The following MAPK10 variants were observed in gnomAD, a reference collection of about 807,000 sequenced individuals.
MAPK10 encodes the protein mitogen-activated protein kinase 10.
MAPK10 carries 25 observed loss-of-function variants against 59.3 expected under a neutral mutation model. The ratio of observed to expected loss-of-function variants is 0.42; its 90% CI spans 0.31 to 0.59. The LOEUF (loss-of-function observed/expected upper bound fraction) is 0.59. MAPK10 is among the 20% of genes least tolerant of loss of function. The pLI is 0.15. For synonymous variants in MAPK10, 190 were observed against 200.5 expected, an observed-to-expected ratio of 0.95 and a Z score of 0.44; for missense variants, 351 against 568.9, an observed-to-expected ratio of 0.62 and a Z score of 3.90.
chr4:86,560,584 C>T (rs1760602907), intron 1 of MAPK10, among the ~76,000 whole-genome samples: 1 of 152,208 alleles, frequency 6.6e-6, no homozygotes, highest in Non-Finnish European at 1.5e-5. Flanking sequence ...GTCAATTTCG[C>T]CACTGGGGCT....
chr4:86,437,967 G>C (rs1422125415), intron 1 of MAPK10, among the ~76,000 whole-genome samples: 1 of 152,050 alleles, frequency 6.6e-6, no homozygotes, highest in African/African-American at 2.4e-5. Flanking sequence ...TCATAAACAT[G>C]TTGTTCAAAA....
At chr4:86,319,362 TCAC>T (rs2095847434) in intron 2 of MAPK10, among the ~76,000 whole-genome samples, 1 of 152,120 alleles carries the variant, frequency 6.6e-6, no homozygotes, top group African/African-American at 2.4e-5. Flanking sequence ...AAAACATTCC[TCAC>T]CTAGCAAGGA....
intron 2 of MAPK10, among the ~76,000 whole-genome samples, chr4:86,195,296 A>T (rs1237304516): frequency 6.6e-6 from 1 of 152,236 alleles, no homozygotes; most frequent in East Asian, 1.9e-4. Flanking sequence ...TAAACCATTT[A>T]AAAACACCAT....
intron 1 of MAPK10, among the ~76,000 whole-genome samples, chr4:86,468,845 C>T (rs184420838): frequency 1.3e-5 from 2 of 150,594 alleles, no homozygotes; most frequent in Non-Finnish European, 3.0e-5. Flanking sequence ...CAGAGTGAGA[C>T]TCCATCTCAA....
chr4:86,025,570 T>C (rs1749755866), intron 13 of MAPK10: 1 of 398,152 alleles, frequency 2.5e-6, no homozygotes. Flanking sequence ...ATATCTCTTC[T>C]TTCTATATTA....
intron 3 of MAPK10, among the ~76,000 whole-genome samples, chr4:86,165,648 G>A (rs905532044): frequency 2.3e-5 from 3 of 127,814 alleles, no homozygotes; most frequent in African/African-American, 5.7e-5. Context: ...CAATTCTCCC[G>A]CCTCAGCCTT....
At chr4:86,482,928 A>G (rs925992309) in intron 1 of MAPK10, among the ~76,000 whole-genome samples, 2 of 152,154 alleles carry the variant, frequency 1.3e-5, no homozygotes, top group African/African-American at 2.4e-5. Flanking sequence ...TGTGTTAGGC[A>G]TACAACATTT....
At chr4:86,267,019 G>A (rs967261664) in intron 2 of MAPK10, among the ~76,000 whole-genome samples, 5 of 152,076 alleles carry the variant, frequency 3.3e-5, no homozygotes, top group Non-Finnish European at 5.9e-5. Flanking sequence ...CAGGAGCCAA[G>A]CTGTATGAAT....
At chr4:86,240,808 T>C (rs928444110) in intron 2 of MAPK10, among the ~76,000 whole-genome samples, 1 of 152,212 alleles carries the variant, frequency 6.6e-6, no homozygotes, top group East Asian at 1.9e-4. Flanking sequence ...CCAGTCTGTA[T>C]CTTTTAATTG....
intron 2 of MAPK10, among the ~76,000 whole-genome samples, chr4:86,305,563 A>G (rs1355292890): frequency 6.6e-6 from 1 of 152,224 alleles, no homozygotes; most frequent in Non-Finnish European, 1.5e-5. Flanking sequence ...TTATGCCTGT[A>G]ATCCCAGCAC....
At chr4:86,201,947 C>G (rs775709232) in intron 2 of MAPK10, among the ~76,000 whole-genome samples, 6 of 151,830 alleles carry the variant, frequency 4.0e-5, no homozygotes, top group Admixed American at 2.6e-4. Flanking sequence ...CCATTTTCCT[C>G]TCCAATCCTT....
At chr4:86,574,040 T>A (rs1761673020) in intron 1 of MAPK10, among the ~76,000 whole-genome samples, 1 of 152,184 alleles carries the variant, frequency 6.6e-6, no homozygotes, top group South Asian at 2.1e-4. Context: ...TATCTCCTAA[T>A]GCTATCCTTC....
chr4:86,415,487 T>C (rs1745753509), intron 1 of MAPK10, among the ~76,000 whole-genome samples: 1 of 152,222 alleles, frequency 6.6e-6, no homozygotes, highest in South Asian at 2.1e-4. Flanking sequence ...TCTGATGCTT[T>C]GTTCTCTTCA....
At position 86,569,010 on chromosome 4, in the gene MAPK10, C is replaced by T. The variant is rs919932850; in HGVS notation, c.-263+24900G>A. 2.0e-5 allele frequency among the ~76,000 whole-genome samples: 3 copies of T among 152,116 alleles called. No homozygotes were observed. In the East Asian group the frequency reaches 5.8e-4, roughly 29 times the overall value. On this transcript the variant is annotated intron_variant, in intron 1 of 4. Transcript: ENST00000502302. ...ACAAACAATCAACGCAGTAAACAGA[C>T]AACCTACAGAATCAGAGAAAATATT...
chr4:86,015,962 T>C lies in MAPK10; in HGVS notation c.*1266A>G, dbSNP rs1311199691. 6.6e-6 allele frequency: 1 copy of C among 152,164 alleles called. No homozygotes were observed. Among genetic ancestry groups the C allele is most frequent in the African/African-American group, 2.4e-5 (1 of 41,420 alleles). The allele number at this position is 152,164 out of a possible 1,614,324, so 9.4% of individuals were successfully genotyped here. ...TTCATTATTATTATTATTATTTTAT[T>C]TCAGAAGAGGAAAGTAATATTATTT... is the stretch of plus-strand genomic sequence containing the variant. On this transcript the variant is annotated 3_prime_UTR_variant, in exon 14 of 14. Coordinates refer to ENST00000641462, the MANE Select transcript of MAPK10 (RefSeq NM_138982.4).
intron 1 of MAPK10, among the ~76,000 whole-genome samples, chr4:86,491,322 G>A (rs2149075322): frequency 6.6e-6 from 1 of 152,334 alleles, no homozygotes; most frequent in South Asian, 2.1e-4. Context: ...TCCAACAAGT[G>A]CATCACATGG....
At chr4:86,344,739 T>C (rs138604727) in intron 2 of MAPK10, among the ~76,000 whole-genome samples, 177 of 152,288 alleles carry the variant, frequency 1.2e-3, no homozygotes, top group African/African-American at 4.1e-3. Flanking sequence ...AAAATGTCTG[T>C]TAACTTCATG....
chr4:86,219,249 T>C (rs767095112), intron 2 of MAPK10, among the ~76,000 whole-genome samples: 40 of 152,168 alleles, frequency 2.6e-4, no homozygotes, highest in Admixed American at 2.4e-3. Flanking sequence ...GCAGGCATAA[T>C]TGGCACACAT....
intron 4 of MAPK10, among the ~76,000 whole-genome samples, chr4:86,138,536 CA>C (rs2062795604): frequency 7.5e-6 from 1 of 134,144 alleles, no homozygotes; most frequent in Non-Finnish European, 1.6e-5. Flanking sequence ...GGACGTATTT[CA>C]AAATAATAAG....
Sources: gnomAD v4.1 joint callset for allele counts (sites outside exome capture counted in the v4.1 genomes callset) on GRCh38, gnomAD v4.1.1 for gene constraint, MANE v1.5 for transcripts, NCBI Gene and HGNC (gene_info 2026-07-23, HGNC 2026-07-21) for gene names.